Variants in RBFOX1 observed in about 807,000 individuals in gnomAD.
RBFOX1 encodes the protein RNA binding protein fox-1 homolog 1.
Under a neutral mutation model 57.7 loss-of-function variants are expected in RBFOX1, and 8 were observed. The observed-to-expected ratio is 0.14, with a 90% CI of 0.08 to 0.25. The LOEUF (loss-of-function observed/expected upper bound fraction) is 0.25. Ranked by LOEUF, RBFOX1 falls within the 10% of genes least tolerant of loss-of-function variation. The probability of loss-of-function intolerance (pLI) is 1.00; values close to 1 mark genes in which losing one functional copy is unlikely to be tolerated. For synonymous variants in RBFOX1, 326 were observed against 222.4 expected, an observed-to-expected ratio of 1.47 and a Z score of -4.15; for missense variants, 611 against 548.5, an observed-to-expected ratio of 1.11 and a Z score of -1.14.
At chr16:6,324,504 A>C (rs774727318) in intron 2 of RBFOX1, among the ~76,000 whole-genome samples, 1 of 152,178 alleles carries the variant, frequency 6.6e-6, no homozygotes, top group Non-Finnish European at 1.5e-5. Context: ...GGGAGCAGGC[A>C]CATCTTACAT....
At chr16:6,940,879 G>GTGTGTGTGTT (rs1555653226) in intron 3 of RBFOX1, among the ~76,000 whole-genome samples, 2,551 of 138,624 alleles carry the variant, frequency 0.018, 123 homozygotes, top group African/African-American at 0.048. Flanking sequence ...GTGTGTGTGT[G>GTGTGTGTGTT]TGTGTGTGTG....
chr16:7,586,934 T>C (rs745747261), intron 6 of RBFOX1, among the ~76,000 whole-genome samples: 1 of 152,224 alleles, frequency 6.6e-6, no homozygotes, highest in Non-Finnish European at 1.5e-5. Context: ...TCATTGTATG[T>C]ACATACTAGC....
chr16:7,227,654 G>T (rs74715110), intron 4 of RBFOX1, among the ~76,000 whole-genome samples: 2 of 152,098 alleles, frequency 1.3e-5, no homozygotes, highest in Non-Finnish European at 2.9e-5. Context: ...AGATGGGGGT[G>T]GGGGATTTGA....
intron 3 of RBFOX1, among the ~76,000 whole-genome samples, chr16:6,940,711 C>G (rs976579569): frequency 2.0e-5 from 3 of 151,832 alleles, no homozygotes; most frequent in African/African-American, 7.3e-5. Flanking sequence ...CATTCTCCTG[C>G]CTCAGCCTCC....
chr16:6,030,778 C>G (rs539842679), intron 1 of RBFOX1, among the ~76,000 whole-genome samples: 1 of 152,254 alleles, frequency 6.6e-6, no homozygotes, highest in Non-Finnish European at 1.5e-5. Flanking sequence ...CTTATTTTCT[C>G]CTTTTAAAAA....
intron 1 of RBFOX1, among the ~76,000 whole-genome samples, chr16:6,253,845 T>G (rs2097643365): frequency 6.6e-6 from 1 of 152,148 alleles, no homozygotes; most frequent in African/African-American, 2.4e-5. Flanking sequence ...TGCATTTAAC[T>G]CCTTGCTTGC....
At chr16:5,874,131 G>A (rs961356281) in intron 4 of RBFOX1, among the ~76,000 whole-genome samples, 1 of 152,214 alleles carries the variant, frequency 6.6e-6, no homozygotes, top group Non-Finnish European at 1.5e-5. Flanking sequence ...ATGGCACTGA[G>A]TTTGGCAGTC....
intron 3 of RBFOX1, among the ~76,000 whole-genome samples, chr16:6,869,840 C>G (rs75521108): frequency 0.012 from 1,772 of 152,134 alleles, 36 homozygotes; most frequent in African/African-American, 0.04. Flanking sequence ...GACTGCTTCA[C>G]GGGAATCAGG....
chr16:5,555,228 G>A (rs981409753), intron 2 of RBFOX1, among the ~76,000 whole-genome samples: 3 of 151,940 alleles, frequency 2.0e-5, no homozygotes, highest in South Asian at 2.1e-4. Context: ...AAGTAATTGC[G>A]GTTTTTGCAA....
chr16:7,033,378 GAT>G (rs2153694896), intron 3 of RBFOX1, among the ~76,000 whole-genome samples: 2 of 152,276 alleles, frequency 1.3e-5, no homozygotes, highest in Admixed American at 1.3e-4. Flanking sequence ...AAATTAGCCA[GAT>G]GTGATGGCAC....
chr16:6,987,803 A>G (rs1319627643), intron 3 of RBFOX1, among the ~76,000 whole-genome samples: 3 of 152,198 alleles, frequency 2.0e-5, no homozygotes, highest in Admixed American at 6.6e-5. Flanking sequence ...GGCTGTTGGG[A>G]TGACTGGTCC....
chr16:7,142,647 A>C (rs902510129), intron 4 of RBFOX1, among the ~76,000 whole-genome samples: 1 of 152,172 alleles, frequency 6.6e-6, no homozygotes, highest in African/African-American at 2.4e-5. Context: ...ATTTTGATTG[A>C]TAACAGTTTA....
intron 3 of RBFOX1, among the ~76,000 whole-genome samples, chr16:5,833,242 C>T (rs759604024): frequency 1.3e-5 from 2 of 151,986 alleles, no homozygotes; most frequent in African/African-American, 2.4e-5. Context: ...GCCTGTAATC[C>T]CTGCACTTTG....
chr16:5,898,814 C>G (rs1226590145), intron 4 of RBFOX1, among the ~76,000 whole-genome samples: 1 of 151,306 alleles, frequency 6.6e-6, no homozygotes, highest in Non-Finnish European at 1.5e-5. Context: ...AATCCCAGCA[C>G]TTTGTGGGGC....
At chr16:7,130,949 C>T (rs1161020234) in intron 4 of RBFOX1, among the ~76,000 whole-genome samples, 3 of 152,124 alleles carry the variant, frequency 2.0e-5, no homozygotes, top group Non-Finnish European at 2.9e-5. Context: ...AGAGAAGGTG[C>T]ACCACCTATA....
At chr16:6,835,146 C>T (rs2092996983) in intron 3 of RBFOX1, among the ~76,000 whole-genome samples, 1 of 152,002 alleles carries the variant, frequency 6.6e-6, no homozygotes, top group African/African-American at 2.4e-5. Flanking sequence ...TGTGATCTGC[C>T]CACCTCGGCC....
intron 3 of RBFOX1, among the ~76,000 whole-genome samples, chr16:6,852,430 G>C (rs2094121475): frequency 6.6e-6 from 1 of 152,168 alleles, no homozygotes. Context: ...ATAAGTTTCA[G>C]GGATTTTTGA....
intron 4 of RBFOX1, among the ~76,000 whole-genome samples, chr16:7,215,987 T>C (rs2091971821): frequency 6.6e-6 from 1 of 152,164 alleles, no homozygotes; most frequent in African/African-American, 2.4e-5. Flanking sequence ...CCTCCCAAAG[T>C]GCTGAGATTA....
intron 13 of RBFOX1, among the ~76,000 whole-genome samples, chr16:7,675,232 A>C (rs1568402991): frequency 6.8e-6 from 1 of 146,498 alleles, no homozygotes; most frequent in Non-Finnish European, 1.5e-5. Flanking sequence ...ATTTCTCTTT[A>C]GTCCGTCACT....
Sources: gnomAD v4.1 joint callset for allele counts (sites outside exome capture counted in the v4.1 genomes callset) on GRCh38, gnomAD v4.1.1 for gene constraint, MANE v1.5 for transcripts, NCBI Gene and HGNC (gene_info 2026-07-23, HGNC 2026-07-21) for gene names.